SUSD6: variants seen among roughly 807,000 people sequenced by gnomAD.
SUSD6 encodes the protein sushi domain containing 6.
A neutral mutation model predicts 28.4 loss-of-function variants in SUSD6; 16 were observed. The observed-to-expected ratio is 0.56, with a 90% CI of 0.38 to 0.86. The LOEUF is 0.86. Ranked by LOEUF, SUSD6 falls within the 40% of genes least tolerant of loss-of-function variation. The pLI is 0.00. For missense variants in SUSD6, 341 were observed against 384.2 expected, an observed-to-expected ratio of 0.89 and a Z score of 0.94; for synonymous variants, 147 against 159.6, an observed-to-expected ratio of 0.92 and a Z score of 0.59.
intron 2 of SUSD6, among the ~76,000 whole-genome samples, chr14:69,677,342 G>A (rs1363583415): frequency 8.5e-5 from 13 of 152,068 alleles, no homozygotes; most frequent in Admixed American, 7.9e-4. Context: ...TCAGGAGATC[G>A]AGACTATCCT....
chr14:69,683,123 G>A (rs1309353203), intron 2 of SUSD6, among the ~76,000 whole-genome samples: 2 of 152,108 alleles, frequency 1.3e-5, no homozygotes, highest in East Asian at 3.8e-4. Context: ...TTCATGCTTT[G>A]ATGTGAGCTG....
rs561188732 is a variant in SUSD6, at chr14:69,694,826, T to C, written c.122-8569T>C. 1.6e-4 allele frequency among the ~76,000 whole-genome samples: 24 copies of C among 152,258 alleles called. No homozygotes were observed. The South Asian group carries it at 4.8e-3, about 30-fold the overall frequency. Reference sequence around the variant, plus strand: ...TGAGGGGCCCAGGCCTAAAACAAGATGGACAGGTCCGAGGCCTGTCCCACC... The same window carrying C: ...TGAGGGGCCCAGGCCTAAAACAAGACGGACAGGTCCGAGGCCTGTCCCACC... On this transcript the variant is annotated intron_variant, in intron 2 of 5. Coordinates refer to ENST00000342745, the MANE Select transcript of SUSD6 (RefSeq NM_014734.4).
chr14:69,629,164 GGTGAGGGTGTGGAAAGGAGGGGTT>G (rs1158940277), intron 1 of SUSD6, among the ~76,000 whole-genome samples: 2 of 151,814 alleles, frequency 1.3e-5, no homozygotes, highest in Non-Finnish European at 2.9e-5. Context: ...GAATGGTCCT[GGTGAGGGTGTGGAAAGGAGGGGTT>G]GGTTAGCAAA....
intron 2 of SUSD6, chr14:69,670,322 G>A (rs978697521): frequency 2.9e-5 from 12 of 412,818 alleles, no homozygotes; most frequent in Middle Eastern, 6.8e-4. Flanking sequence ...ACAGGTACTC[G>A]TTGAATTCCT....
chr14:69,668,904 T>C (rs544196813), intron 2 of SUSD6, among the ~76,000 whole-genome samples: 235 of 151,938 alleles, frequency 1.5e-3, no homozygotes, highest in African/African-American at 5.6e-3. Context: ...GCCTGTTCCC[T>C]CTTTGCCTTC....
intron 1 of SUSD6, among the ~76,000 whole-genome samples, chr14:69,640,419 G>A (rs1034373792): frequency 1.3e-5 from 2 of 151,838 alleles, no homozygotes; most frequent in Non-Finnish European, 2.9e-5. Flanking sequence ...CTGTAACCTC[G>A]AACTCCTTGG....
intron 2 of SUSD6, among the ~76,000 whole-genome samples, chr14:69,699,601 A>G (rs961865314): frequency 6.7e-5 from 10 of 150,184 alleles, no homozygotes; most frequent in African/African-American, 2.5e-4. Flanking sequence ...AACCTGGAGC[A>G]TCTTATGACA....
At chr14:69,691,846 C>A (rs928691050) in intron 2 of SUSD6, among the ~76,000 whole-genome samples, 1 of 152,102 alleles carries the variant, frequency 6.6e-6, no homozygotes, top group South Asian at 2.1e-4. Context: ...TCAAGACCAG[C>A]CTAGCCAACA....
intron 2 of SUSD6, among the ~76,000 whole-genome samples, chr14:69,698,901 T>C (rs1443685378): frequency 6.9e-6 from 1 of 145,984 alleles, no homozygotes; most frequent in Non-Finnish European, 1.6e-5. Context: ...TCTCCTTTTC[T>C]TTTTAAAATT....
At chr14:69,649,287 A>G (rs781751109) in intron 1 of SUSD6, among the ~76,000 whole-genome samples, 5 of 152,178 alleles carry the variant, frequency 3.3e-5, no homozygotes, top group Non-Finnish European at 5.9e-5. Context: ...GTCATTGGAG[A>G]CACAGAGCCC....
Position 69,658,700 on chromosome 14 carries a change from C to T in SUSD6, c.108C>T (p.Asp36=), listed in dbSNP as rs142465499. ...TGATCCTTTGCACCCTGCTTGGAGACGGACTTGCTTCCGGTAAGTCCTGAC... is the reference window on the plus strand; with the variant it reads ...TGATCCTTTGCACCCTGCTTGGAGATGGACTTGCTTCCGGTAAGTCCTGAC... ...PLVILCTLLG[D]GLASVCPLPP... Residue 36 remains aspartate (D), a synonymous_variant, in exon 2 of 6, where the codon GAC becomes GAT. Transcript: ENST00000342745. The T allele has an allele frequency of 4.1e-5, 66 of 1,613,866 alleles. No individual in the cohort carries two copies. Among genetic ancestry groups the T allele is most frequent in the East Asian group, 8.9e-5 (4 of 44,880 alleles).
chr14:69,694,487 T>C (rs975584753), intron 2 of SUSD6, among the ~76,000 whole-genome samples: 1 of 152,220 alleles, frequency 6.6e-6, no homozygotes, highest in East Asian at 1.9e-4. Flanking sequence ...GTGCTGCTCA[T>C]TGTTTCTCTC....
At chr14:69,683,454 A>C (rs1387996070) in intron 2 of SUSD6, among the ~76,000 whole-genome samples, 1 of 152,222 alleles carries the variant, frequency 6.6e-6, no homozygotes, top group Admixed American at 6.5e-5. Context: ...GCTTTTGTTT[A>C]GAGAGGAAGG....
Position 69,713,845 on chromosome 14 carries a change from T to C in SUSD6, c.*2866T>C, listed in dbSNP as rs1278547572. ...TTTGTTGTTGGTGTTTGTTTTTTTTTTTTTTTTTTTGGCACACTTGAGCTG... is the reference window on the plus strand; with the variant it reads ...TTTGTTGTTGGTGTTTGTTTTTTTTCTTTTTTTTTTGGCACACTTGAGCTG... On this transcript the variant is annotated 3_prime_UTR_variant, in exon 6 of 6. Transcript: ENST00000342745. The C allele has an allele frequency of 6.6e-6, 1 of 150,942 alleles. No individual in the cohort carries two copies. Among genetic ancestry groups the C allele is most frequent in the Non-Finnish European group, 1.5e-5 (1 of 67,634 alleles). 9.4% of individuals were successfully genotyped at this position (150,942 alleles called of 1,614,324 possible).
At chr14:69,626,830 G>A (rs1030602503) in intron 1 of SUSD6, among the ~76,000 whole-genome samples, 3 of 151,054 alleles carry the variant, frequency 2.0e-5, no homozygotes, top group African/African-American at 4.9e-5. Context: ...TTACAGGCAC[G>A]CATCACTATA....
chr14:69,712,751 T>C lies in SUSD6; in HGVS notation c.*1772T>C, dbSNP rs1177031662. ...CCTGGCCTCTTGCTGCCACTTGTAG[T>C]CTTCCTTCCTTCCTCTCAGGGTAAG... On this transcript the variant is annotated 3_prime_UTR_variant, in exon 6 of 6. Coordinates refer to ENST00000342745, the MANE Select transcript of SUSD6 (RefSeq NM_014734.4). 6.6e-6 allele frequency: 1 copy of C among 152,538 alleles called. No individual in the cohort carries two copies. The highest frequency in any genetic ancestry group is 2.4e-5 in the African/African-American group (1 of 41,436). 9.4% of individuals were successfully genotyped at this position (152,538 alleles called of 1,614,324 possible). A position where few individuals can be genotyped will look rare whatever the true frequency, so the allele number is the denominator to read the frequency against.
At chr14:69,689,411 T>C (rs1034485954) in intron 2 of SUSD6, among the ~76,000 whole-genome samples, 1 of 152,186 alleles carries the variant, frequency 6.6e-6, no homozygotes, top group African/African-American at 2.4e-5. Context: ...AATGAATGGG[T>C]AAATATAATC....
At chr14:69,646,891 C>T (rs922420885) in intron 1 of SUSD6, among the ~76,000 whole-genome samples, 3 of 151,862 alleles carry the variant, frequency 2.0e-5, no homozygotes, top group African/African-American at 4.8e-5. Flanking sequence ...TTAGTAGAGA[C>T]GGGGTTTCAC....
intron 2 of SUSD6, among the ~76,000 whole-genome samples, chr14:69,659,764 C>T (rs578171216): frequency 2.8e-4 from 43 of 152,292 alleles, no homozygotes; most frequent in Admixed American, 9.2e-4. Context: ...GGTGATCCAC[C>T]CACCTTGGCC....
Sources: gnomAD v4.1 joint callset for allele counts (sites outside exome capture counted in the v4.1 genomes callset) on GRCh38, gnomAD v4.1.1 for gene constraint, MANE v1.5 for transcripts, NCBI Gene and HGNC (gene_info 2026-07-23, HGNC 2026-07-21) for gene names.